Variants in BDKRB2 observed in about 807,000 individuals in gnomAD.
BDKRB2 encodes the protein bradykinin receptor B2, also known as B2 bradykinin receptor.
Under a neutral mutation model 4.0 loss-of-function variants are expected in BDKRB2, and 6 were observed. The observed-to-expected ratio is 1.49, with a 90% CI of 0.81 to 2.93. The LOEUF is 2.93. Among genes scored for constraint, BDKRB2 ranks in the 30% most tolerant of loss-of-function variants. BDKRB2 has a pLI of 0.00. For missense variants in BDKRB2, 478 were observed against 520.1 expected, an observed-to-expected ratio of 0.92 and a Z score of 0.79; for synonymous variants, 225 against 215.3, an observed-to-expected ratio of 1.05 and a Z score of -0.40.
intron 2 of BDKRB2, chr14:96,239,636 CA>C (rs1885219338): frequency 1.0e-6 from 1 of 967,992 alleles, no homozygotes; most frequent in Admixed American, 6.2e-5. Context: ...GCATTTTGCA[CA>C]TTGTCTCTGA....
At chr14:96,239,413 C>A (rs1342777525) in intron 2 of BDKRB2, 1 of 985,400 alleles carries the variant, frequency 1.0e-6, no homozygotes, top group Non-Finnish European at 1.2e-6. Context: ...AGCCCCACGC[C>A]TCTGCTGAAG....
chr14:96,219,111 G>C (rs1301520786), intron 1 of BDKRB2, among the ~76,000 whole-genome samples: 1 of 151,942 alleles, frequency 6.6e-6, no homozygotes, highest in Non-Finnish European at 1.5e-5. Flanking sequence ...AGACCAGCCT[G>C]ACCAACATGG....
chr14:96,213,082 G>T (rs894928211), intron 1 of BDKRB2, among the ~76,000 whole-genome samples: 3 of 152,120 alleles, frequency 2.0e-5, no homozygotes, highest in East Asian at 3.9e-4. Flanking sequence ...CCAATTACTT[G>T]CTGAGTAACC....
intron 1 of BDKRB2, among the ~76,000 whole-genome samples, chr14:96,208,788 A>G (rs1039417595): frequency 2.4e-4 from 36 of 152,138 alleles, no homozygotes; most frequent in African/African-American, 8.7e-4. Flanking sequence ...CAGGGCTCAA[A>G]CTTTAGATTT....
chr14:96,206,472 G>A (rs1445550783), intron 1 of BDKRB2, among the ~76,000 whole-genome samples: 2 of 152,174 alleles, frequency 1.3e-5, no homozygotes, highest in African/African-American at 4.8e-5. Flanking sequence ...AGGTTCCCAT[G>A]GTTGGGCCTG....
intron 1 of BDKRB2, among the ~76,000 whole-genome samples, chr14:96,207,187 G>A (rs551539020): frequency 1.7e-4 from 26 of 152,238 alleles, no homozygotes; most frequent in South Asian, 4.1e-4. Flanking sequence ...TTGTCTATCC[G>A]CTCAAGCTGC....
At chr14:96,205,742 G>A (rs1890165144) in intron 1 of BDKRB2, among the ~76,000 whole-genome samples, 1 of 152,216 alleles carries the variant, frequency 6.6e-6, no homozygotes, top group South Asian at 2.1e-4. Flanking sequence ...AGACCTGGAA[G>A]TTCCTCTTTA....
chr14:96,214,296 G>C (rs1259845718), intron 1 of BDKRB2, among the ~76,000 whole-genome samples: 1 of 152,190 alleles, frequency 6.6e-6, no homozygotes, highest in Admixed American at 6.5e-5. Context: ...GGAGGTGAGG[G>C]CACCCAGGCC....
intron 1 of BDKRB2, among the ~76,000 whole-genome samples, chr14:96,208,609 G>A (rs1890240090): frequency 6.6e-6 from 1 of 152,206 alleles, no homozygotes; most frequent in African/African-American, 2.4e-5. Flanking sequence ...TGTCTATGGA[G>A]GCAGGAGTGA....
intron 1 of BDKRB2, among the ~76,000 whole-genome samples, chr14:96,231,074 C>G (rs76816040): frequency 0.044 from 6,756 of 152,228 alleles, 191 homozygotes; most frequent in Middle Eastern, 0.099. Flanking sequence ...AATAATCTAA[C>G]CACAGTGAAC....
chr14:96,224,020 G>A (rs893553536), intron 1 of BDKRB2, among the ~76,000 whole-genome samples: 1 of 152,184 alleles, frequency 6.6e-6, no homozygotes, highest in South Asian at 2.1e-4. Flanking sequence ...CAGTTTCTTC[G>A]AGATGTGATA....
At chr14:96,214,371 G>A (rs1890371890) in intron 1 of BDKRB2, among the ~76,000 whole-genome samples, 1 of 152,164 alleles carries the variant, frequency 6.6e-6, no homozygotes, top group African/African-American at 2.4e-5. Flanking sequence ...TCCTGAGAGA[G>A]GACGGGAACC....
chr14:96,228,500 C>T (rs1890748980), intron 1 of BDKRB2, among the ~76,000 whole-genome samples: 1 of 152,148 alleles, frequency 6.6e-6, no homozygotes, highest in African/African-American at 2.4e-5. Flanking sequence ...GGAAGGTACT[C>T]TTCCAGATGG....
chr14:96,223,551 T>A (rs1045898608), intron 1 of BDKRB2, among the ~76,000 whole-genome samples: 1 of 152,148 alleles, frequency 6.6e-6, no homozygotes, highest in African/African-American at 2.4e-5. Flanking sequence ...GAGTGCTCTG[T>A]GGACCCACAG....
At chr14:96,217,763 C>T (rs1595251023) in intron 1 of BDKRB2, among the ~76,000 whole-genome samples, 1 of 152,142 alleles carries the variant, frequency 6.6e-6, no homozygotes, top group Non-Finnish European at 1.5e-5. Flanking sequence ...GCTATGCATC[C>T]AGGAAGCCCC....
intron 1 of BDKRB2, among the ~76,000 whole-genome samples, chr14:96,234,306 C>T (rs761710581): frequency 1.3e-5 from 2 of 152,166 alleles, no homozygotes; most frequent in Admixed American, 6.5e-5. Context: ...TCCCCCCTCG[C>T]GATCAGGCCC....
chr14:96,228,880 G>A (rs966327746), intron 1 of BDKRB2, among the ~76,000 whole-genome samples: 20 of 152,332 alleles, frequency 1.3e-4, no homozygotes, highest in African/African-American at 4.6e-4. Context: ...GGCAGACCCA[G>A]GCTTGAATCC....
intron 1 of BDKRB2, among the ~76,000 whole-genome samples, chr14:96,218,819 T>A (rs773114330): frequency 1.3e-5 from 2 of 151,982 alleles, no homozygotes; most frequent in Non-Finnish European, 2.9e-5. Flanking sequence ...CTAGGAAGGC[T>A]GAGGCAGGAT....
At chr14:96,236,618 T>TA (rs947402232) in intron 1 of BDKRB2, among the ~76,000 whole-genome samples, 2 of 152,172 alleles carry the variant, frequency 1.3e-5, no homozygotes, top group African/African-American at 4.8e-5. Flanking sequence ...GCTTCCACTC[T>TA]ACCCCCACTG....
Sources: allele counts gnomAD v4.1 joint callset (sites outside exome capture counted in the v4.1 genomes callset), GRCh38; gene constraint gnomAD v4.1.1; transcripts MANE v1.5; gene names NCBI Gene and HGNC (gene_info 2026-07-23, HGNC 2026-07-21).